SETDB2: variants seen among roughly 807,000 people sequenced by gnomAD.
SETDB2 encodes the protein histone-lysine N-methyltransferase SETDB2.
Under a neutral mutation model 82.5 loss-of-function variants are expected in SETDB2, and 56 were observed. The observed-to-expected ratio is 0.68, with a 90% CI of 0.55 to 0.85. SETDB2 has a LOEUF of 0.85. Among genes scored for constraint, SETDB2 ranks in the 40% least tolerant of loss-of-function variants. SETDB2 has a pLI of 0.00. For missense variants in SETDB2, 677 were observed against 816.4 expected (o/e 0.83, Z 2.08); for synonymous variants, 272 against 284.9 (o/e 0.95, Z 0.46).
In SETDB2 at chr13:49,483,516, G is replaced by C. The variant is rs764945976; in HGVS notation, c.1435G>C (p.Asp479His). ...SRIQYHSVIR[D>H]PESKTAIFQH... ...AATTCAATATCATTCAGTTATTAGA[G>C]ATCCTGAATCCAAGACAGCCATTTT... The change falls in exon 10 of 14, where the codon GAT (aspartate) becomes CAT (histidine). Residue 479 changes from aspartate (D) to histidine (H), a missense_variant. Physicochemically the swap from Asp to His is moderately conservative, Grantham distance 81. Around this residue, in one of 3 missense-constraint regions of SETDB2, gnomAD observed 420 missense variants for 554.6 expected, o/e 0.76. Transcript: ENST00000611815. 1 of 1,494,822 alleles carries C rather than the reference G, an allele frequency of 6.7e-7. No individual in the cohort carries two copies. The highest frequency in any genetic ancestry group is 1.3e-5 in the South Asian group (1 of 76,684). The allele number at this position is 1,494,822 out of a possible 1,614,324, so 92.6% of individuals were successfully genotyped here. A position where few individuals can be genotyped will look rare whatever the true frequency, so the allele number is the denominator to read the frequency against.
At chr13:49,461,308 C>T in intron 4 of SETDB2, 146 bp downstream of exon 4, 2 of 569,564 alleles carry the variant, frequency 3.5e-6, no homozygotes, top group Non-Finnish European at 6.0e-6. Context: ...ATCACAGTTT[C>T]CTCTGTTAAA....
chr13:49,466,792 C>T (rs540419093), intron 4 of SETDB2, among the ~76,000 whole-genome samples: 5 of 150,552 alleles, frequency 3.3e-5, no homozygotes, highest in Non-Finnish European at 7.4e-5. Context: ...TACAGGCATG[C>T]GCCACCATGC....
chr13:49,447,499 C>T (rs1167439509), intron 1 of SETDB2, among the ~76,000 whole-genome samples: 1 of 152,058 alleles, frequency 6.6e-6, no homozygotes, highest in Non-Finnish European at 1.5e-5. Context: ...ATGATGTTTG[C>T]TGTCATTGAG....
intron 4 of SETDB2, among the ~76,000 whole-genome samples, chr13:49,461,785 C>A (rs1303465387): frequency 6.6e-6 from 1 of 152,158 alleles, no homozygotes; most frequent in Non-Finnish European, 1.5e-5. Flanking sequence ...AGGGCTCATT[C>A]CCACCAACTT....
At position 49,476,959 on chromosome 13, in the gene SETDB2, G is replaced by T. The variant is rs145310842; in HGVS notation, c.789G>T (p.Val263=). 4.2e-4 allele frequency: 681 copies of T among 1,613,862 alleles called. 1 individual carries two copies. Among genetic ancestry groups the T allele is most frequent in the Non-Finnish European group, 5.4e-4 (643 of 1,180,024 alleles). The part of the protein sequence containing the change: ...KLPQFKYRKT[V]WPRAYNLTNF... Reference sequence around the variant, plus strand: ...CACAGTTTAAGTACAGAAAGACTGTGTGGCCTCGAGCATATAATCTAACCA... The same window carrying T: ...CACAGTTTAAGTACAGAAAGACTGTTTGGCCTCGAGCATATAATCTAACCA... The change falls in exon 6 of 14, where the codon GTG becomes GTT. Residue 263 remains valine (V), a synonymous_variant. Transcript: ENST00000611815.
intron 1 of SETDB2, among the ~76,000 whole-genome samples, 176 bp from the exon 2 acceptor site, chr13:49,451,377 C>T (rs1224320806): frequency 6.7e-6 from 1 of 149,870 alleles, no homozygotes. Flanking sequence ...AATTTTGATA[C>T]TTTACATATT....
chr13:49,467,265 C>T (rs9562884), intron 4 of SETDB2, among the ~76,000 whole-genome samples: 6,101 of 151,984 alleles, frequency 0.04, 207 homozygotes, highest in East Asian at 0.16. Context: ...CATGGTTTTG[C>T]ATGCCTGTAA....
chr13:49,456,809 A>G (rs1422135383), intron 2 of SETDB2, among the ~76,000 whole-genome samples: 1 of 152,146 alleles, frequency 6.6e-6, no homozygotes, highest in Non-Finnish European at 1.5e-5. Flanking sequence ...TATTAGTTTC[A>G]TTTATCAGAA....
chr13:49,456,719 A>G (rs550617842), intron 2 of SETDB2, among the ~76,000 whole-genome samples: 3 of 152,346 alleles, frequency 2.0e-5, no homozygotes, highest in African/African-American at 7.2e-5. Flanking sequence ...AACTATGTCT[A>G]CAGTCGAAAC....
chr13:49,481,548 C>A lies in SETDB2; in HGVS notation c.1156+432C>A, dbSNP rs555012617. On this transcript the variant is annotated intron_variant, in intron 8 of 13. Transcript: ENST00000611815. ...ATTTAACAAGTTAATTATGTAATAT[C>A]TGCATGTTATAATTCAGTCAGTGAC... Among the ~76,000 whole-genome samples the A allele has an allele frequency of 2.4e-4, 36 of 152,262 alleles. 1 individual carries two copies. In the South Asian group the frequency reaches 7.5e-3, roughly 32 times the overall value.
chr13:49,473,773 G>A (rs1958297465), intron 5 of SETDB2, among the ~76,000 whole-genome samples: 2 of 152,092 alleles, frequency 1.3e-5, no homozygotes, highest in South Asian at 4.1e-4. Context: ...CCTAAGGAAT[G>A]TATTACAGTG....
At chr13:49,472,013 C>T (rs1958259393) in intron 5 of SETDB2, among the ~76,000 whole-genome samples, 1 of 149,172 alleles carries the variant, frequency 6.7e-6, no homozygotes, top group Non-Finnish European at 1.5e-5. Flanking sequence ...TCAATGAATC[C>T]TCCCACCTCG....
chr13:49,478,454 C>G (rs1044841518), intron 6 of SETDB2, among the ~76,000 whole-genome samples: 10 of 152,106 alleles, frequency 6.6e-5, no homozygotes, highest in Non-Finnish European at 1.5e-4. Context: ...CAATGTAGAG[C>G]AGCACACAGG....
intron 12 of SETDB2, among the ~76,000 whole-genome samples, chr13:49,489,527 T>C (rs1171591542): frequency 1.3e-5 from 2 of 150,640 alleles, no homozygotes; most frequent in African/African-American, 2.4e-5. Context: ...AAGCCATACC[T>C]TGAGAAGTAC....
At chr13:49,463,760 A>G (rs1312365802) in intron 4 of SETDB2, among the ~76,000 whole-genome samples, 1 of 152,214 alleles carries the variant, frequency 6.6e-6, no homozygotes, top group Non-Finnish European at 1.5e-5. Flanking sequence ...ACTTGAAGTT[A>G]CTAGTTACAG....
intron 8 of SETDB2, among the ~76,000 whole-genome samples, 200 bp downstream of exon 8, chr13:49,481,316 A>G (rs1471553244): frequency 2.0e-5 from 3 of 152,180 alleles, no homozygotes; most frequent in South Asian, 4.1e-4. Flanking sequence ...TCTTCAAGAA[A>G]AGAAAGGTTC....
At chr13:49,448,872 C>G (rs1038962108) in intron 1 of SETDB2, among the ~76,000 whole-genome samples, 2 of 152,044 alleles carry the variant, frequency 1.3e-5, no homozygotes, top group East Asian at 3.8e-4. Flanking sequence ...GTGCATTTTC[C>G]TTTTAATTTT....
intron 5 of SETDB2, among the ~76,000 whole-genome samples, chr13:49,471,746 T>C (rs1958245931): frequency 6.6e-6 from 1 of 151,752 alleles, no homozygotes; most frequent in African/African-American, 2.4e-5. Context: ...CAGCAGGCCA[T>C]GTAAACACTA....
intron 3 of SETDB2, 122 bp from the exon 4 acceptor site, chr13:49,460,974 AG>A (rs1957980955): frequency 1.6e-6 from 1 of 642,722 alleles, no homozygotes. Flanking sequence ...TAATGCAGAT[AG>A]TCCTATTAAC....
Sources: allele counts gnomAD v4.1 joint callset (sites outside exome capture counted in the v4.1 genomes callset), GRCh38; gene constraint gnomAD v4.1.1; regional missense constraint gnomAD v4.1.1; transcripts MANE v1.5; gene names NCBI Gene and HGNC (gene_info 2026-07-23, HGNC 2026-07-21).